CELA3B: variants seen among roughly 807,000 people sequenced by gnomAD.
CELA3B encodes the protein chymotrypsin like elastase 3B, also known as chymotrypsin-like elastase family member 3B.
A neutral mutation model predicts 37.2 loss-of-function variants in CELA3B; 34 were observed. The ratio of observed to expected loss-of-function variants is 0.91; its 90% confidence interval spans 0.70 to 1.22. CELA3B has a LOEUF of 1.22. CELA3B is among the 50% of genes most tolerant of loss of function. CELA3B has a pLI of 0.00. For missense variants in CELA3B, 340 were observed against 363.1 expected, an observed-to-expected ratio of 0.94 and a Z score of 0.52; for synonymous variants, 127 against 143.5, an observed-to-expected ratio of 0.89 and a Z score of 0.82.
chr1:21,984,103 A>T (rs1233086751), intron 5 of CELA3B, 86 bp from the exon 6 acceptor site: 2 of 1,497,328 alleles, frequency 1.3e-6, no homozygotes, highest in Non-Finnish European at 1.8e-6. Context: ...AGAGCAGAAG[A>T]ACTGTGCGCC....
chr1:21,979,237 T>C (rs1644789628), intron 2 of CELA3B, among the ~76,000 whole-genome samples: 1 of 151,010 alleles, frequency 6.6e-6, no homozygotes, highest in African/African-American at 2.4e-5. Context: ...CAAGCCCGGC[T>C]AATTCTGTAT....
At chr1:21,989,678 A>C (rs1644861157), downstream of CELA3B, among the ~76,000 whole-genome samples, 1 of 151,110 alleles carries the variant, frequency 6.6e-6, no homozygotes. Flanking sequence ...AAAAATCTGC[A>C]GATAAACAGA....
rs1644800267 is a variant in CELA3B, at chr1:21,980,925, A to G, written c.227+4A>G. 6.2e-7 allele frequency: 1 copy of G among 1,613,458 alleles called. No homozygotes were observed. The highest frequency in any genetic ancestry group is 1.7e-5 in the Admixed American group (1 of 59,946). On this transcript the variant is annotated splice_donor_region_variant and intron_variant, in intron 3 of 7. Transcript: ENST00000337107. The stretch of plus-strand genomic sequence containing the variant: ...TGACTGCCGGCCACTGCATCTCGTG[A>G]GTTCTCTACCCTGTCCCTGCCTGTG...
chr1:21,993,026 G>A (rs143173714), downstream of CELA3B, among the ~76,000 whole-genome samples: 319 of 150,594 alleles, frequency 2.1e-3, 10 homozygotes, highest in African/African-American at 7.5e-3. Context: ...TCTAATGGCA[G>A]GATGTCCAGG....
At chr1:21,980,971 G>A (rs1381226152) in intron 3 of CELA3B, 50 bp downstream of exon 3, 3 of 1,614,108 alleles carry the variant, frequency 1.9e-6, no homozygotes, top group Middle Eastern at 3.3e-4. Flanking sequence ...GCTGGGGAGG[G>A]TGGGTGATGA....
chr1:21,994,477 G>A lies in CELA3B; in HGVS notation c.505-3674G>A, dbSNP rs775114745. 9.9e-5 allele frequency among the ~76,000 whole-genome samples: 15 copies of A among 150,768 alleles called. 1 individual carries two copies. The highest frequency in any genetic ancestry group is 1.9e-4 in the Non-Finnish European group (13 of 67,806). ...CTGGCTTCTCTGCACCTCCCTCACCGAGACAGCCAATTCCCCAGATTAAAT... is the reference window on the plus strand; with the variant it reads ...CTGGCTTCTCTGCACCTCCCTCACCAAGACAGCCAATTCCCCAGATTAAAT... On this transcript the variant is annotated intron_variant, in intron 4 of 4. Transcript: ENST00000400277.
chr1:21,988,265 T>C (rs1644850836), intron 7 of CELA3B, among the ~76,000 whole-genome samples: 1 of 135,588 alleles, frequency 7.4e-6, no homozygotes, highest in Admixed American at 7.5e-5. Flanking sequence ...ATAGACCATT[T>C]AATCCCTTGG....
chr1:21,995,760 AT>A (rs1395012294), intron 4 of CELA3B, among the ~76,000 whole-genome samples: 1 of 146,224 alleles, frequency 6.8e-6, no homozygotes, highest in East Asian at 2.0e-4. Flanking sequence ...ACAGAAACTG[AT>A]TGTCTCACAA....
intron 7 of CELA3B, chr1:21,987,004 G>C: frequency 2.5e-6 from 1 of 397,204 alleles, no homozygotes; most frequent in Non-Finnish European, 5.0e-6. Flanking sequence ...CTGCCTGGTG[G>C]GGGACAGGTG....
intron 2 of CELA3B, among the ~76,000 whole-genome samples, chr1:21,980,456 G>A (rs12401894): frequency 0.2 from 30,215 of 152,038 alleles, 3,968 homozygotes; most frequent in East Asian, 0.37. Flanking sequence ...CTCCAGCCTG[G>A]GGAACAAGAG....
chr1:21,989,080 AC>A (rs551676180), intron 7 of CELA3B, among the ~76,000 whole-genome samples, 181 bp from the exon 8 acceptor site: 2 of 151,712 alleles, frequency 1.3e-5, no homozygotes, highest in Non-Finnish European at 2.9e-5. Context: ...TTAATCAAGA[AC>A]CCCCCCATGA....
intron 4 of CELA3B, among the ~76,000 whole-genome samples, chr1:21,982,415 T>G (rs1644811145): frequency 7.5e-6 from 1 of 132,902 alleles, no homozygotes; most frequent in Non-Finnish European, 1.6e-5. Context: ...GCCAACATGG[T>G]GAAACCCCAT....
chr1:21,995,761 T>A (rs1644887755), intron 4 of CELA3B, among the ~76,000 whole-genome samples: 2 of 146,572 alleles, frequency 1.4e-5, no homozygotes, highest in South Asian at 4.4e-4. Flanking sequence ...CAGAAACTGA[T>A]TGTCTCACAA....
intron 4 of CELA3B, among the ~76,000 whole-genome samples, chr1:21,982,803 G>A (rs6426731): frequency 0.89 from 135,016 of 151,702 alleles, 61,282 homozygotes; most frequent in Non-Finnish European, 0.98. Context: ...TCGGCCTCCC[G>A]GGTAGCTGGG....
chr1:21,986,490 C>T (rs1185761812), intron 6 of CELA3B, 41 bp from the exon 7 acceptor site: 4 of 1,607,640 alleles, frequency 2.5e-6, no homozygotes, highest in African/African-American at 1.3e-5. Context: ...CCATAAACCT[C>T]AGACATGGCT....
chr1:21,977,778 G>GTT (rs1644780815), intron 1 of CELA3B: 1 of 315,736 alleles, frequency 3.2e-6, no homozygotes, highest in Non-Finnish European at 6.1e-6. Context: ...TGCCCAGACT[G>GTT]GTCTCAAAAT....
rs771802321 is a variant in CELA3B, at chr1:21,981,158, G to A, written c.348G>A (p.Ser116=). 21 of 1,612,112 alleles carry A rather than the reference G, an allele frequency of 1.3e-5. No individual in the cohort carries two copies. The highest frequency in any genetic ancestry group is 5.3e-5 in the African/African-American group (4 of 74,948). Residue 116 remains serine, a synonymous_variant, in exon 4 of 8, where the codon TCG becomes TCA. Coordinates refer to ENST00000337107, the MANE Select transcript of CELA3B (RefSeq NM_007352.4). ...DLFVHPLWNR[S]CVACGNDIAL... is the part of the protein sequence containing the mutation. ...TTGTGCATCCACTCTGGAACCGCTC[G>A]TGTGTGGCCTGTGGGTGAGTGAATG...
intron 6 of CELA3B, 60 bp from the exon 7 acceptor site, chr1:21,986,471 G>T: frequency 1.9e-6 from 3 of 1,597,226 alleles, no homozygotes; most frequent in Non-Finnish European, 2.6e-6. Flanking sequence ...CTAGAATTCA[G>T]AACCAGTTCC....
intron 1 of CELA3B, among the ~76,000 whole-genome samples, chr1:21,977,678 A>G (rs1264905682): frequency 6.6e-6 from 1 of 152,208 alleles, no homozygotes; most frequent in African/African-American, 2.4e-5. Flanking sequence ...TCAAGGAAGT[A>G]AAGTAGCTTA....
Sources: gnomAD v4.1 joint callset for allele counts (sites outside exome capture counted in the v4.1 genomes callset) on GRCh38, gnomAD v4.1.1 for gene constraint, MANE v1.5 for transcripts, NCBI Gene and HGNC (gene_info 2026-07-23, HGNC 2026-07-21) for gene names.